The following MFSD8 variants were observed in gnomAD, a reference collection of about 807,000 sequenced individuals.
MFSD8 encodes the protein major facilitator superfamily domain containing 8.
In MFSD8, 55 loss-of-function variants were observed where a neutral mutation model predicts 66.4. That is an observed-to-expected ratio of 0.83 (90% CI 0.67 to 1.04). The LOEUF (loss-of-function observed/expected upper bound fraction) is 1.04, where lower values mean the gene tolerates loss of function less well. Ranked by LOEUF, MFSD8 falls within the 50% of genes least tolerant of loss-of-function variation. MFSD8 has a pLI of 0.00. For missense variants in MFSD8, 550 were observed against 627.6 expected (o/e 0.88, Z 1.32); for synonymous variants, 202 against 212.8 (o/e 0.95, Z 0.44).
intron 2 of MFSD8, among the ~76,000 whole-genome samples, chr4:127,956,707 A>G (rs1742941860): frequency 6.6e-6 from 1 of 151,078 alleles, no homozygotes; most frequent in Non-Finnish European, 1.5e-5. Flanking sequence ...AATCCCAGAT[A>G]CTTGGCAGGC....
intron 1 of MFSD8, among the ~76,000 whole-genome samples, chr4:127,962,146 G>GT (rs1248225031): frequency 6.6e-6 from 1 of 152,142 alleles, no homozygotes; most frequent in Non-Finnish European, 1.5e-5. Flanking sequence ...AAAAGCAGAC[G>GT]TAAGTACTTA....
At chr4:127,939,505 C>A (rs1408584906) in intron 6 of MFSD8, 1 of 173,798 alleles carries the variant, frequency 5.8e-6, no homozygotes. Context: ...ACTCGGGAAG[C>A]TGAGGTATGA....
intron 2 of MFSD8, among the ~76,000 whole-genome samples, chr4:127,953,550 T>G (rs927345614): frequency 1.5e-5 from 2 of 134,392 alleles, no homozygotes; most frequent in African/African-American, 2.8e-5. Flanking sequence ...TCTGTTTTTT[T>G]TTTTTTTTTT....
chr4:127,942,116 G>A lies in MFSD8; in HGVS notation c.482C>T (p.Ser161Phe), dbSNP rs1006741410. ...CATGGAACTTGTTCTTTCCTGAAGGGAAGTAGCACCAGCAGTATATGATCT... is the reference window on the plus strand; with the variant it reads ...CATGGAACTTGTTCTTTCCTGAAGGAAAGTAGCACCAGCAGTATATGATCT... ...VVRSYTAGAT[S>F]LQERTSSMAN... is the part of the protein sequence containing the mutation. The change falls in exon 5 of 12, where the codon TCC becomes TTC. Residue 161 changes from serine to phenylalanine, a missense_variant. Coordinates refer to ENST00000641686, the MANE Select transcript of MFSD8 (RefSeq NM_001371596.2). 6.2e-7 allele frequency: 1 copy of A among 1,613,954 alleles called. No individual in the cohort carries two copies. Among genetic ancestry groups the A allele is most frequent in the Non-Finnish European group, 8.5e-7 (1 of 1,179,930 alleles).
At chr4:127,921,810 T>C in intron 10 of MFSD8, 39 bp from the exon 11 acceptor site, 1 of 1,613,752 alleles carries the variant, frequency 6.2e-7, no homozygotes. Flanking sequence ...TACTTGTTGA[T>C]TTTAGATAAA....
intron 4 of MFSD8, among the ~76,000 whole-genome samples, chr4:127,943,212 C>T (rs72681856): frequency 6.9e-6 from 1 of 145,842 alleles, no homozygotes; most frequent in African/African-American, 2.6e-5. Context: ...AGTAAGACTC[C>T]GTTTCAAAAA....
chr4:127,948,178 G>A (rs895279571), intron 3 of MFSD8, among the ~76,000 whole-genome samples: 2 of 152,134 alleles, frequency 1.3e-5, no homozygotes, highest in Non-Finnish European at 2.9e-5. Context: ...GGGCAGGAGA[G>A]GTCTCCCCTG....
At chr4:127,929,553 A>G (rs1737799152) in intron 9 of MFSD8, among the ~76,000 whole-genome samples, 1 of 151,078 alleles carries the variant, frequency 6.6e-6, no homozygotes, top group African/African-American at 2.4e-5. Flanking sequence ...ACTCCACTCC[A>G]CTCCATTCTG....
intron 1 of MFSD8, among the ~76,000 whole-genome samples, chr4:127,958,881 A>G (rs1219479856): frequency 1.3e-5 from 2 of 152,218 alleles, no homozygotes; most frequent in Non-Finnish European, 2.9e-5. Context: ...AAAATTAGAA[A>G]ATAATAATTT....
chr4:127,961,713 C>T (rs765324957), intron 1 of MFSD8, among the ~76,000 whole-genome samples: 1 of 147,596 alleles, frequency 6.8e-6, no homozygotes, highest in Non-Finnish European at 1.5e-5. Flanking sequence ...CTACTCTACT[C>T]GGGAGGCTGA....
chr4:127,950,079 T>C (rs148828905), intron 2 of MFSD8, among the ~76,000 whole-genome samples: 23 of 152,250 alleles, frequency 1.5e-4, no homozygotes, highest in Non-Finnish European at 2.6e-4. Context: ...AAGCAGAGGA[T>C]CTACTTCTCC....
rs1735996247 is a variant in MFSD8 at position 127,917,822 on chromosome 4, CTTGT to C, written c.*2804_*2807del. ...GCTTAAGGTACATATGCAAAATAAT[CTTGT>C]TTATTAGAAAATGAACATTCACAAT... On this transcript the variant is annotated 3_prime_UTR_variant, in exon 12 of 12. Transcript: ENST00000641686. 1 of 152,120 alleles carries C rather than the reference CTTGT, an allele frequency of 6.6e-6. No homozygotes were observed. The highest frequency in any genetic ancestry group is 1.9e-4 in the East Asian group (1 of 5,192). 9.4% of individuals were successfully genotyped at this position (152,120 alleles called of 1,614,324 possible).
chr4:127,965,285 G>T, upstream of MFSD8: 1 of 955,528 alleles, frequency 1.0e-6, no homozygotes, highest in Non-Finnish European at 1.6e-6. Flanking sequence ...GTCATAGGCG[G>T]GGTCACGCGG....
At chr4:127,961,949 G>A (rs758596202) in intron 1 of MFSD8, among the ~76,000 whole-genome samples, 1 of 151,640 alleles carries the variant, frequency 6.6e-6, no homozygotes, top group African/African-American at 2.4e-5. Flanking sequence ...CTACCAGGTT[G>A]TAATGACACA....
At chr4:127,924,377 G>C (rs1736856732) in intron 9 of MFSD8, among the ~76,000 whole-genome samples, 1 of 152,074 alleles carries the variant, frequency 6.6e-6, no homozygotes, top group African/African-American at 2.4e-5. Flanking sequence ...TAAGCGACAA[G>C]CAACTTCAGC....
At chr4:127,939,758 C>A in intron 6 of MFSD8, 95 bp downstream of exon 6, 3 of 1,383,562 alleles carry the variant, frequency 2.2e-6, no homozygotes, top group Non-Finnish European at 3.0e-6. Flanking sequence ...TAAAAAACTA[C>A]GTACACTTCA....
rs1382137693 is a variant in MFSD8 at position 127,930,796 on chromosome 4, C to T, written c.885G>A (p.Met295Ile). 1.2e-6 allele frequency: 2 copies of T among 1,610,668 alleles called. No individual in the cohort carries two copies. The highest frequency in any genetic ancestry group is 1.1e-5 in the South Asian group (1 of 89,886). The change falls in exon 9 of 12, where the codon ATG becomes ATA. Residue 295 changes from methionine (M) to isoleucine (I), a missense_variant. By Grantham distance (10) the Met-to-Ile change is conservative. Transcript: ENST00000641686. ...GTTCTTGAGTCCAGGCATACATATC[C>T]ATTGTTAATGGAGTAATGATGCTAA... ...LFETIITPLT[M>I]DMYAWTQEQA...
At chr4:127,922,748 C>T (rs1229070575) in intron 9 of MFSD8, among the ~76,000 whole-genome samples, 13 of 152,110 alleles carry the variant, frequency 8.5e-5, no homozygotes, top group Admixed American at 8.5e-4. Context: ...CCTGCCTTTC[C>T]TATACAACTA....
Position 127,943,873 on chromosome 4 carries a change from A to C in MFSD8, c.318T>G (p.Pro106=). ...CGGAAATCAAGATGGAGACAATAAG[A>C]GGCTCTTTTCTTGGTCTATAATTAG... ...LWSNYRPRKE[P]LIVSILISVA... is the part of the protein sequence containing the mutation. The change falls in exon 4 of 12, where the codon CCT becomes CCG. Residue 106 remains proline (P), a synonymous_variant. Coordinates refer to ENST00000641686, the MANE Select transcript of MFSD8 (RefSeq NM_001371596.2). 1.2e-6 allele frequency: 2 copies of C among 1,614,190 alleles called. No homozygotes were observed. The highest frequency in any genetic ancestry group is 1.7e-6 in the Non-Finnish European group (2 of 1,180,046).
Sources: allele counts gnomAD v4.1 joint callset (sites outside exome capture counted in the v4.1 genomes callset), GRCh38; gene constraint gnomAD v4.1.1; transcripts MANE v1.5; gene names NCBI Gene and HGNC (gene_info 2026-07-23, HGNC 2026-07-21).